The following TAFA2 variants were observed in gnomAD, a reference collection of about 807,000 sequenced individuals.
The protein encoded by TAFA2 is TAFA chemokine like family member 2, also known as chemokine-like protein TAFA-2.
A neutral mutation model predicts 18.8 loss-of-function variants in TAFA2; 7 were observed. That is an observed-to-expected ratio of 0.37 (90% CI 0.21 to 0.70). TAFA2 has a LOEUF of 0.70. Among genes scored for constraint, TAFA2 ranks in the 30% least tolerant of loss-of-function variants. The probability of loss-of-function intolerance (pLI) is 0.53; values close to 1 mark genes in which losing one functional copy is unlikely to be tolerated. For synonymous variants in TAFA2, 60 were observed against 54.2 expected (o/e 1.11, Z -0.47); for missense variants, 122 against 158.1 (o/e 0.77, Z 1.23).
intron 1 of TAFA2, chr12:62,135,856 A>T (rs1302992579): frequency 6.6e-6 from 1 of 152,116 alleles, no homozygotes; most frequent in Non-Finnish European, 1.5e-5. Flanking sequence ...TTATTCTGTG[A>T]TGTGAACTGA....
intron 1 of TAFA2, among the ~76,000 whole-genome samples, chr12:62,054,726 T>C (rs532725270): frequency 2.1e-4 from 32 of 152,358 alleles, no homozygotes; most frequent in African/African-American, 6.5e-4. Context: ...TAAAGCTGTG[T>C]TCTAAATATA....
intron 1 of TAFA2, among the ~76,000 whole-genome samples, chr12:62,128,804 G>A (rs1427667883): frequency 6.6e-6 from 1 of 152,004 alleles, no homozygotes; most frequent in Non-Finnish European, 1.5e-5. Flanking sequence ...CCTCATAATT[G>A]AAAACGTACT....
chr12:62,038,826 A>G (rs988212966), intron 1 of TAFA2, among the ~76,000 whole-genome samples: 1 of 152,232 alleles, frequency 6.6e-6, no homozygotes, highest in African/African-American at 2.4e-5. Flanking sequence ...CGCCAAGAGT[A>G]CACTGTACAT....
rs1249585833 is a variant in TAFA2 at position 62,145,957 on chromosome 12, T to G, written c.-2+45302A>C. ...TTAAGCACAACTATTCTTTGGTATC[T>G]ACATAACCAATGAAAAATTCATGCT... On this transcript the variant is annotated intron_variant, in intron 1 of 4. Transcript: ENST00000416284. Among the ~76,000 whole-genome samples the G allele has an allele frequency of 3.3e-5, 5 of 152,222 alleles. No individual in the cohort carries two copies. The East Asian group carries it at 9.6e-4, about 29-fold the overall frequency.
At chr12:62,111,546 A>T (rs567568103) in intron 1 of TAFA2, among the ~76,000 whole-genome samples, 1 of 152,238 alleles carries the variant, frequency 6.6e-6, no homozygotes, top group African/African-American at 2.4e-5. Flanking sequence ...TATCCTTGTT[A>T]ATTTTCTGTC....
intron 4 of TAFA2, among the ~76,000 whole-genome samples, chr12:61,722,689 TA>T (rs1869961046): frequency 6.6e-6 from 1 of 152,190 alleles, no homozygotes. Flanking sequence ...AAATTTCATA[TA>T]TACCCATTGA....
chr12:61,723,437 CAGA>C (rs1331220862), intron 4 of TAFA2, among the ~76,000 whole-genome samples: 5 of 152,034 alleles, frequency 3.3e-5, no homozygotes, highest in Non-Finnish European at 7.4e-5. Flanking sequence ...TAAGTAATTT[CAGA>C]AGAAGGAAAG....
At chr12:62,109,285 G>A (rs541987172) in intron 1 of TAFA2, among the ~76,000 whole-genome samples, 24 of 152,222 alleles carry the variant, frequency 1.6e-4, no homozygotes, top group South Asian at 4.2e-4. Flanking sequence ...AGATCAGATC[G>A]TTGTAGATGT....
In TAFA2 at chr12:61,980,397, C is replaced by T. The variant is rs139903367; in HGVS notation, c.-1-112971G>A. ...GAAGTATACCCTTTGAAAACCAGCA[C>T]AAGACAAGGATGCCCTCTCTCACCG... is the stretch of plus-strand genomic sequence containing the variant. On this transcript the variant is annotated intron_variant, in intron 1 of 4. Coordinates refer to ENST00000416284, the MANE Select transcript of TAFA2 (RefSeq NM_178539.5). Among the ~76,000 whole-genome samples, 241 of 152,244 alleles carry T rather than the reference C, an allele frequency of 1.6e-3. 3 individuals carry two copies. Among genetic ancestry groups the T allele is most frequent in the African/African-American group, 5.4e-3 (225 of 41,530 alleles).
chr12:62,168,882 G>A (rs1266946905), intron 1 of TAFA2, among the ~76,000 whole-genome samples: 1 of 151,564 alleles, frequency 6.6e-6, no homozygotes, highest in Non-Finnish European at 1.5e-5. Context: ...ACAAATGACT[G>A]TATGGACCTC....
At chr12:61,820,462 C>T (rs1454106088) in intron 2 of TAFA2, among the ~76,000 whole-genome samples, 1 of 151,366 alleles carries the variant, frequency 6.6e-6, no homozygotes, top group African/African-American at 2.4e-5. Context: ...CTGCCTCACT[C>T]TCTTTTTAGG....
chr12:62,031,491 A>G (rs986982013), intron 1 of TAFA2, among the ~76,000 whole-genome samples: 1 of 152,022 alleles, frequency 6.6e-6, no homozygotes, highest in Non-Finnish European at 1.5e-5. Flanking sequence ...CCCTTTATAT[A>G]TATATATGCA....
At chr12:62,235,329 T>C (rs1461832843) in intron 1 of TAFA2, 20 of 664,812 alleles carry the variant, frequency 3.0e-5, no homozygotes, top group Admixed American at 4.7e-5. Context: ...CTCTGTCCTG[T>C]GAGGAAAGTG....
chr12:62,216,359 C>A (rs149767503), intron 1 of TAFA2, among the ~76,000 whole-genome samples: 1 of 152,242 alleles, frequency 6.6e-6, no homozygotes, highest in African/African-American at 2.4e-5. Context: ...CTTCCCAAGA[C>A]AGTAAATTTT....
chr12:61,769,279 G>A (rs1450782831), intron 2 of TAFA2, among the ~76,000 whole-genome samples: 1 of 151,272 alleles, frequency 6.6e-6, no homozygotes, highest in African/African-American at 2.4e-5. Flanking sequence ...CAAAGACAGT[G>A]GACATAATTA....
At chr12:62,026,569 G>T (rs1881317246) in intron 1 of TAFA2, among the ~76,000 whole-genome samples, 1 of 152,092 alleles carries the variant, frequency 6.6e-6, no homozygotes, top group East Asian at 1.9e-4. Context: ...CTCACAAACA[G>T]CTCTGATTCC....
At chr12:61,780,416 T>C (rs777585508) in intron 2 of TAFA2, among the ~76,000 whole-genome samples, 5 of 151,828 alleles carry the variant, frequency 3.3e-5, no homozygotes, top group Non-Finnish European at 5.9e-5. Context: ...CTTAACTTTG[T>C]ACAGAATTTT....
intron 1 of TAFA2, among the ~76,000 whole-genome samples, chr12:62,234,061 A>T (rs1435032044): frequency 6.6e-6 from 1 of 152,192 alleles, no homozygotes; most frequent in African/African-American, 2.4e-5. Context: ...GTGCCTTCAT[A>T]CACCTCTGAA....
At chr12:62,165,919 C>CCTCT (rs753736824) in intron 1 of TAFA2, among the ~76,000 whole-genome samples, 89 of 138,878 alleles carry the variant, frequency 6.4e-4, no homozygotes, top group East Asian at 2.6e-3. Context: ...TCTCTCTCTT[C>CCTCT]CTCTCTCTCT....
Sources: allele counts gnomAD v4.1 joint callset (sites outside exome capture counted in the v4.1 genomes callset), GRCh38; gene constraint gnomAD v4.1.1; transcripts MANE v1.5; gene names NCBI Gene and HGNC (gene_info 2026-07-23, HGNC 2026-07-21).